IKBKB: variants seen among roughly 807,000 people sequenced by gnomAD.
The protein encoded by IKBKB is inhibitor of nuclear factor kappa B kinase subunit beta, also known as inhibitor of nuclear factor kappa-B kinase subunit beta.
In IKBKB, 42 loss-of-function variants were observed where a neutral mutation model predicts 113.6. The ratio of observed to expected loss-of-function variants is 0.37; its 90% CI spans 0.29 to 0.48. The LOEUF (loss-of-function observed/expected upper bound fraction) is 0.48, where lower values mean the gene tolerates loss of function less well. IKBKB is among the 20% of genes least tolerant of loss of function. IKBKB has a pLI of 0.99. For synonymous variants in IKBKB, 296 were observed against 361.3 expected (o/e 0.82, Z 2.05); for missense variants, 673 against 939.7 (o/e 0.72, Z 3.71).
At position 42,331,112 on chromosome 8, in the gene IKBKB, A is replaced by T. The variant is rs568751975; in HGVS notation, c.*133A>T. ...GGGGCTGCCTGGCCGCGGCTCTCACATGGTGGTTCCTGCTGCACTGATGGC... is the reference window on the plus strand; with the variant it reads ...GGGGCTGCCTGGCCGCGGCTCTCACTTGGTGGTTCCTGCTGCACTGATGGC... On this transcript the variant is annotated 3_prime_UTR_variant, in exon 22 of 22. Coordinates refer to ENST00000520810, the MANE Select transcript of IKBKB (RefSeq NM_001556.3). 3.6e-6 allele frequency: 5 copies of T among 1,371,728 alleles called. 1 individual carries two copies. In the African/African-American group the frequency reaches 7.1e-5, roughly 20 times the overall value. The allele number at this position is 1,371,728 out of a possible 1,614,324, so 85.0% of individuals were successfully genotyped here.
chr8:42,286,179 T>G (rs1811378634), intron 2 of IKBKB, among the ~76,000 whole-genome samples: 1 of 152,156 alleles, frequency 6.6e-6, no homozygotes, highest in Admixed American at 6.5e-5. Flanking sequence ...TCTGAGAGTA[T>G]TTTAGAAGTG....
chr8:42,319,872 C>T lies in IKBKB; in HGVS notation c.1578+226C>T, dbSNP rs906369673. 29 of 475,146 alleles carry T rather than the reference C, an allele frequency of 6.1e-5. 1 individual carries two copies. The highest frequency in any genetic ancestry group is 5.5e-5 in the Non-Finnish European group (15 of 271,042). 29.4% of individuals were successfully genotyped at this position (475,146 alleles called of 1,614,324 possible). On this transcript the variant is annotated intron_variant, in intron 15 of 21. Coordinates refer to ENST00000520810, the MANE Select transcript of IKBKB (RefSeq NM_001556.3). ...AGCTGCATGAATGGACAGAGATGGTCCAGGTTTAAATAAGAAGCAAGGGTT... is the reference window on the plus strand; with the variant it reads ...AGCTGCATGAATGGACAGAGATGGTTCAGGTTTAAATAAGAAGCAAGGGTT...
At chr8:42,322,525 G>A (rs201323951) in intron 19 of IKBKB, 31 bp downstream of exon 19, 64 of 1,611,002 alleles carry the variant, frequency 4.0e-5, no homozygotes, top group Middle Eastern at 1.8e-4. Context: ...CGGGCCCTTG[G>A]CCTAGCAGCC....
At chr8:42,274,589 G>C (rs769192982) in intron 2 of IKBKB, among the ~76,000 whole-genome samples, 1 of 151,742 alleles carries the variant, frequency 6.6e-6, no homozygotes, top group Non-Finnish European at 1.5e-5. Context: ...CTGGAGTGCA[G>C]TGGCGCGATC....
intron 21 of IKBKB, chr8:42,329,747 C>T: frequency 1.0e-6 from 1 of 985,340 alleles, no homozygotes; most frequent in African/African-American, 1.7e-5. Context: ...ATGGCCTTGT[C>T]CTCAGGGCCT....
intron 1 of IKBKB, chr8:42,271,684 G>A: frequency 1.9e-6 from 1 of 528,350 alleles, no homozygotes; most frequent in East Asian, 3.4e-5. Context: ...GGGAACCTGC[G>A]ATTTATGGGA....
chr8:42,317,628 A>G (rs772052865), intron 11 of IKBKB, 29 bp from the exon 12 acceptor site: 3 of 1,415,248 alleles, frequency 2.1e-6, no homozygotes, highest in Admixed American at 3.3e-5. Flanking sequence ...TGGATCCACA[A>G]GATTCATTTT....
chr8:42,318,670 C>T lies in IKBKB; in HGVS notation c.1359C>T (p.Ala453=), dbSNP rs758455465. Residue 453 remains alanine, a synonymous_variant, in exon 13 of 22, where the codon GCC becomes GCT. Coordinates refer to ENST00000520810, the MANE Select transcript of IKBKB (RefSeq NM_001556.3). ...DCNRLQQGQR[A]AMMNLLRNNS... is the part of the protein sequence containing the mutation. ...ACCGGCTGCAGCAGGGACAGCGAGC[C>T]GCCATGTAGCGTGCCAGGCTTTTTT... 2.3e-5 allele frequency: 37 copies of T among 1,602,054 alleles called. 2 individuals carry two copies. The highest frequency in any genetic ancestry group is 5.5e-5 in the South Asian group (5 of 90,158).
intron 8 of IKBKB, 83 bp from the exon 9 acceptor site, chr8:42,314,238 TA>T: frequency 1.0e-6 from 1 of 973,680 alleles, no homozygotes; most frequent in Non-Finnish European, 1.7e-6. Flanking sequence ...ACACAAGGAC[TA>T]AAATCACCTA....
intron 21 of IKBKB, chr8:42,330,005 T>C (rs1025621333): frequency 2.0e-6 from 2 of 985,346 alleles, no homozygotes; most frequent in Admixed American, 1.2e-4. Context: ...GGACATTCTA[T>C]ATCTCTTGCT....
intron 19 of IKBKB, among the ~76,000 whole-genome samples, chr8:42,323,876 A>G (rs774505174): frequency 7.2e-5 from 11 of 152,214 alleles, no homozygotes; most frequent in Non-Finnish European, 1.3e-4. Context: ...AATGCTAACT[A>G]TATGCCCAGC....
chr8:42,317,374 A>G (rs1377838876), intron 11 of IKBKB: 13 of 474,786 alleles, frequency 2.7e-5, no homozygotes, highest in Non-Finnish European at 3.8e-5. Context: ...AGCTAAAGTT[A>G]TCATATGAGA....
chr8:42,294,831 AC>A (rs1417095179), intron 5 of IKBKB, among the ~76,000 whole-genome samples: 1 of 152,124 alleles, frequency 6.6e-6, no homozygotes, highest in East Asian at 1.9e-4. Context: ...TTTTCTTGAC[AC>A]CCTGACCCAA....
At chr8:42,330,085 A>G (rs1821491993) in intron 21 of IKBKB, 1 of 985,380 alleles carries the variant, frequency 1.0e-6, no homozygotes, top group Non-Finnish European at 1.2e-6. Flanking sequence ...TGGGAGGAAG[A>G]GGAAGTCTCA....
intron 11 of IKBKB, chr8:42,317,194 C>T (rs1262926397): frequency 1.3e-5 from 6 of 459,914 alleles, no homozygotes; most frequent in Non-Finnish European, 2.3e-5. Context: ...CTGCTTGGCC[C>T]TCTTCCAAGT....
intron 5 of IKBKB, 190 bp downstream of exon 5, chr8:42,293,702 C>T: frequency 1.3e-6 from 1 of 797,588 alleles, no homozygotes; most frequent in South Asian, 1.8e-5. Context: ...AGATGCTGAA[C>T]TCAAATAGGT....
chr8:42,284,239 C>A (rs1810936836), intron 2 of IKBKB, among the ~76,000 whole-genome samples: 1 of 152,176 alleles, frequency 6.6e-6, no homozygotes, highest in Admixed American at 6.5e-5. Flanking sequence ...CTTTTATAAC[C>A]ATCAGTCCCA....
chr8:42,281,229 C>T (rs1408376576), intron 2 of IKBKB, among the ~76,000 whole-genome samples: 3 of 152,110 alleles, frequency 2.0e-5, no homozygotes, highest in African/African-American at 4.8e-5. Context: ...TTTCGAGGGC[C>T]TGGCAAGAAG....
At chr8:42,325,272 C>T in intron 19 of IKBKB, 2 of 985,540 alleles carry the variant, frequency 2.0e-6, no homozygotes, top group Middle Eastern at 5.2e-4. Flanking sequence ...TCAGGGTGTC[C>T]TTGTTTCTTC....
Sources: gnomAD v4.1 joint callset for allele counts (sites outside exome capture counted in the v4.1 genomes callset) on GRCh38, gnomAD v4.1.1 for gene constraint, MANE v1.5 for transcripts, NCBI Gene and HGNC (gene_info 2026-07-23, HGNC 2026-07-21) for gene names.